DGKD: variants seen among roughly 807,000 people sequenced by gnomAD.
DGKD encodes diacylglycerol kinase delta, also known as DAG kinase delta.
In DGKD, 68 loss-of-function variants were observed where a neutral mutation model predicts 154.4. That is an observed-to-expected ratio of 0.44 (90% confidence interval 0.36 to 0.54). The LOEUF is 0.54. DGKD is among the 20% of genes least tolerant of loss of function. The probability of loss-of-function intolerance (pLI) is 0.00; values close to 1 mark genes in which losing one functional copy is unlikely to be tolerated. For missense variants in DGKD, 1,343 were observed against 1,593.6 expected, an observed-to-expected ratio of 0.84 and a Z score of 2.68; for synonymous variants, 693 against 638.0, an observed-to-expected ratio of 1.09 and a Z score of -1.30.
chr2:233,389,609 CAGTT>C (rs1703447395), intron 2 of DGKD, among the ~76,000 whole-genome samples: 2 of 150,740 alleles, frequency 1.3e-5, no homozygotes, highest in Admixed American at 6.6e-5. Context: ...TAACCTTTTA[CAGTT>C]AGTTCTGGTG....
intron 29 of DGKD, 82 bp downstream of exon 29, chr2:233,468,635 G>A: frequency 2.5e-6 from 4 of 1,579,338 alleles, no homozygotes; most frequent in Admixed American, 1.7e-5. Flanking sequence ...CCCCGACCTG[G>A]CCATGTCCCA....
At chr2:233,365,016 A>G (rs760015432) in intron 1 of DGKD, among the ~76,000 whole-genome samples, 5 of 152,252 alleles carry the variant, frequency 3.3e-5, no homozygotes, top group African/African-American at 4.8e-5. Flanking sequence ...TAATAAAGAT[A>G]TGCTGATAAA....
chr2:233,461,928 G>C (rs1199541905), intron 24 of DGKD, among the ~76,000 whole-genome samples: 1 of 152,246 alleles, frequency 6.6e-6, no homozygotes, highest in Non-Finnish European at 1.5e-5. Flanking sequence ...CACCAGGATT[G>C]TCCTGTTCAG....
intron 3 of DGKD, among the ~76,000 whole-genome samples, chr2:233,427,055 T>C (rs1344285505): frequency 6.6e-6 from 1 of 152,228 alleles, no homozygotes; most frequent in Non-Finnish European, 1.5e-5. Context: ...CCAGCAGGTG[T>C]GTAAAAATTC....
intron 1 of DGKD, among the ~76,000 whole-genome samples, chr2:233,377,585 G>A (rs1197030736): frequency 6.6e-6 from 1 of 152,132 alleles, no homozygotes; most frequent in Non-Finnish European, 1.5e-5. Flanking sequence ...TGCTATAATA[G>A]TTTGTAGCAC....
Position 233,470,935 on chromosome 2 carries a change from T to C in DGKD, c.*1475T>C, listed in dbSNP as rs986750120. The C allele has an allele frequency of 1.3e-5, 2 of 152,454 alleles. No individual in the cohort carries two copies. The highest frequency in any genetic ancestry group is 4.8e-5 in the African/African-American group (2 of 41,446). The allele number at this position is 152,454 out of a possible 1,614,324, so 9.4% of individuals were successfully genotyped here. A position where few individuals can be genotyped will look rare whatever the true frequency, so the allele number is the denominator to read the frequency against. Reference sequence around the variant, plus strand: ...GTCCTTTAGTCAGCGTCACTCCATCTGATGTGCAGAAGCTGGGCTGCACCT... The same window carrying C: ...GTCCTTTAGTCAGCGTCACTCCATCCGATGTGCAGAAGCTGGGCTGCACCT... On this transcript the variant is annotated 3_prime_UTR_variant, in exon 30 of 30. Transcript: ENST00000264057.
intron 24 of DGKD, among the ~76,000 whole-genome samples, chr2:233,461,200 GCCGGT>G (rs2063626551): frequency 6.6e-6 from 1 of 152,200 alleles, no homozygotes; most frequent in Admixed American, 6.5e-5. Context: ...GTGCTGCTCC[GCCGGT>G]GCGGGGCCTG....
In DGKD at chr2:233,434,481, T is replaced by G. The variant is rs1203861952; in HGVS notation, c.450T>G (p.Phe150Leu). Residue 150 changes from phenylalanine (F) to leucine (L), a missense_variant, in exon 4 of 30, where the codon TTT (phenylalanine) becomes TTG (leucine). Phe to Leu is a conservative substitution (Grantham distance 22). This residue lies in a region of DGKD where 332 missense variants were observed against 400.1 expected (regional missense o/e 0.83). Coordinates refer to ENST00000264057, the MANE Select transcript of DGKD (RefSeq NM_152879.3). ...AGACTGTGCAGAACAGGGAGCACTTTGAGGTTAAAAAAGAAAATACCCTTC... is the reference window on the plus strand; with the variant it reads ...AGACTGTGCAGAACAGGGAGCACTTGGAGGTTAAAAAAGAAAATACCCTTC... ...ALKTVQNREH[F>L]EPTQYSMDHF... 6.2e-7 allele frequency: 1 copy of G among 1,613,822 alleles called. No individual in the cohort carries two copies. The highest frequency in any genetic ancestry group is 2.2e-5 in the East Asian group (1 of 44,898).
intron 3 of DGKD, among the ~76,000 whole-genome samples, chr2:233,410,159 A>G (rs2061790941): frequency 6.6e-6 from 1 of 152,090 alleles, no homozygotes; most frequent in Admixed American, 6.6e-5. Context: ...CATTGGCTGC[A>G]AAGCTATAGA....
intron 26 of DGKD, 82 bp from the exon 27 acceptor site, chr2:233,464,082 A>G: frequency 6.3e-6 from 10 of 1,577,710 alleles, no homozygotes; most frequent in Non-Finnish European, 8.7e-6. Flanking sequence ...AGAGCCCTGG[A>G]GCGGACCTCA....
chr2:233,459,697 C>T lies in DGKD; in HGVS notation c.2695-60C>T, dbSNP rs539798260. On this transcript the variant is annotated intron_variant, in intron 22 of 29. Coordinates refer to ENST00000264057, the MANE Select transcript of DGKD (RefSeq NM_152879.3). This position sits in a 1 kb window ranked among gnomAD's most constrained non-coding sequence, Gnocchi z 5.7. ...AGGAAGGTCATGGTGGTGCTGATAGCACTTTTAAACCCCTGGGGGTTTTGG... is the reference window on the plus strand; with the variant it reads ...AGGAAGGTCATGGTGGTGCTGATAGTACTTTTAAACCCCTGGGGGTTTTGG... 2.7e-5 allele frequency: 43 copies of T among 1,579,128 alleles called. No homozygotes were observed. In the African/African-American group the frequency reaches 5.4e-4, roughly 20 times the overall value.
intron 3 of DGKD, among the ~76,000 whole-genome samples, chr2:233,395,460 A>G (rs939843030): frequency 6.6e-5 from 10 of 152,034 alleles, no homozygotes; most frequent in African/African-American, 2.2e-4. Flanking sequence ...ATGAGCCACC[A>G]CACCCAGCCA....
At chr2:233,400,760 C>CCT (rs1351149538) in intron 3 of DGKD, among the ~76,000 whole-genome samples, 1 of 152,194 alleles carries the variant, frequency 6.6e-6, no homozygotes, top group African/African-American at 2.4e-5. Context: ...GCCTGAGCTG[C>CCT]TGTTCCCGGA....
At chr2:233,356,043 G>T (rs1391848581) in intron 1 of DGKD, among the ~76,000 whole-genome samples, 2 of 152,306 alleles carry the variant, frequency 1.3e-5, no homozygotes, top group African/African-American at 4.8e-5. Context: ...GGAGATGGAC[G>T]CCTGTGCACC....
chr2:233,432,817 A>G (rs987255382), intron 3 of DGKD, among the ~76,000 whole-genome samples: 1 of 152,260 alleles, frequency 6.6e-6, no homozygotes, highest in Non-Finnish European at 1.5e-5. Context: ...GAAGACATAC[A>G]TATGGCAAGT....
chr2:233,373,681 C>T (rs552097205), intron 1 of DGKD, among the ~76,000 whole-genome samples: 14 of 152,242 alleles, frequency 9.2e-5, no homozygotes, highest in African/African-American at 1.2e-4. Flanking sequence ...TTATATGGAA[C>T]GACTTAATTA....
chr2:233,416,983 G>T (rs1171569366), intron 3 of DGKD, among the ~76,000 whole-genome samples: 2 of 152,190 alleles, frequency 1.3e-5, no homozygotes, highest in Admixed American at 6.5e-5. Flanking sequence ...CATTGCAGCC[G>T]CAAGCTCTGC....
intron 5 of DGKD, among the ~76,000 whole-genome samples, chr2:233,435,225 G>A (rs1165651219): frequency 6.6e-6 from 1 of 152,160 alleles, no homozygotes; most frequent in African/African-American, 2.4e-5. Flanking sequence ...CCGGGGAAAC[G>A]GGGCTGTGCA....
At chr2:233,412,361 T>A (rs1340063019) in intron 3 of DGKD, among the ~76,000 whole-genome samples, 3 of 152,232 alleles carry the variant, frequency 2.0e-5, no homozygotes, top group African/African-American at 7.2e-5. Context: ...CATTTCAATG[T>A]AATTTATGTT....
Sources: allele counts gnomAD v4.1 joint callset (sites outside exome capture counted in the v4.1 genomes callset), GRCh38; gene constraint gnomAD v4.1.1; regional missense constraint gnomAD v4.1.1; non-coding constraint Gnocchi (gnomAD v3.1); transcripts MANE v1.5; gene names NCBI Gene and HGNC (gene_info 2026-07-23, HGNC 2026-07-21).